KIZ: variants seen among roughly 807,000 people sequenced by gnomAD.
The protein encoded by KIZ is centrosomal protein kizuna.
In KIZ, 68 loss-of-function variants were observed where a neutral mutation model predicts 79.6. The ratio of observed to expected loss-of-function variants is 0.85; its 90% CI spans 0.70 to 1.05. The LOEUF (loss-of-function observed/expected upper bound fraction) is 1.05. Among genes scored for constraint, KIZ ranks in the 50% least tolerant of loss-of-function variants. The probability of loss-of-function intolerance (pLI) is 0.00; values close to 1 mark genes in which losing one functional copy is unlikely to be tolerated. For missense variants in KIZ, 797 were observed against 800.4 expected, an observed-to-expected ratio of 1.00 and a Z score of 0.05; for synonymous variants, 280 against 281.8, an observed-to-expected ratio of 0.99 and a Z score of 0.06.
intron 12 of KIZ, 72 bp from the exon 13 acceptor site, chr20:21,246,407 G>A (rs544783825): frequency 1.7e-4 from 147 of 889,006 alleles, no homozygotes; most frequent in East Asian, 2.5e-4. Flanking sequence ...CAGTCCTTCC[G>A]TGCTGTGCTG....
intron 6 of KIZ, among the ~76,000 whole-genome samples, chr20:21,192,666 A>T (rs1442445073): frequency 2.6e-5 from 4 of 152,190 alleles, no homozygotes; most frequent in Non-Finnish European, 4.4e-5. Context: ...ATTTGTTTTG[A>T]TATGCACAGC....
At chr20:21,233,246 T>C (rs567292830) in intron 11 of KIZ, among the ~76,000 whole-genome samples, 1 of 152,376 alleles carries the variant, frequency 6.6e-6, no homozygotes, top group African/African-American at 2.4e-5. Flanking sequence ...TATTCATTTT[T>C]ATTTTCCTCT....
In KIZ at chr20:21,233,744, A is replaced by G. The variant is rs554665162; in HGVS notation, c.1880+914A>G. On this transcript the variant is annotated intron_variant, in intron 11 of 12. Coordinates refer to ENST00000619189, the MANE Select transcript of KIZ (RefSeq NM_018474.6). ...GAATTTTTTAAATGAAAAAAATCCT[A>G]TTTTTATTCATATTTTATAAACAAT... 2.6e-5 allele frequency among the ~76,000 whole-genome samples: 4 copies of G among 152,308 alleles called. No homozygotes were observed. In the South Asian group the frequency reaches 8.3e-4, roughly 32 times the overall value.
At chr20:21,241,308 C>T (rs1600632197) in intron 11 of KIZ, among the ~76,000 whole-genome samples, 1 of 152,122 alleles carries the variant, frequency 6.6e-6, no homozygotes, top group Admixed American at 6.5e-5. Context: ...ATTGCAGGGT[C>T]ACATTTACTT....
chr20:21,174,687 C>A (rs2034361282), intron 6 of KIZ, among the ~76,000 whole-genome samples: 1 of 152,150 alleles, frequency 6.6e-6, no homozygotes, highest in Non-Finnish European at 1.5e-5. Flanking sequence ...TGGAGTGTGA[C>A]TGAAAACAGA....
At chr20:21,243,507 A>T (rs536879390) in intron 11 of KIZ, among the ~76,000 whole-genome samples, 1 of 152,104 alleles carries the variant, frequency 6.6e-6, no homozygotes, top group Non-Finnish European at 1.5e-5. Flanking sequence ...TTCTCTCCCA[A>T]CATCTCCTGT....
At position 21,229,072 on chromosome 20, in the gene KIZ, A is replaced by C. The variant is rs1213717457; in HGVS notation, c.1740A>C (p.Glu580Asp). The C allele has an allele frequency of 6.2e-7, 1 of 1,612,492 alleles. No individual in the cohort carries two copies. The highest frequency in any genetic ancestry group is 2.2e-5 in the East Asian group (1 of 44,890). ...TTCAGGATAATACAAATCAAACTGA[A>C]AACAGGTTTCAAAAGACAGATGCTT... ...ATLQDNTNQT[E>D]NRFQKTDASV... The change falls in exon 10 of 13, where the codon GAA (glutamate) becomes GAC (aspartate). Residue 580 changes from glutamate to aspartate, a missense_variant. Transcript: ENST00000619189.
Position 21,213,321 on chromosome 20 carries a change from G to C in KIZ, c.1447-1214G>C, listed in dbSNP as rs564709939. Among the ~76,000 whole-genome samples the C allele has an allele frequency of 2.8e-4, 42 of 152,318 alleles. No homozygotes were observed. In the South Asian group the frequency reaches 8.1e-3, roughly 29 times the overall value. ...CTTCCATGCTCTGACTCTCCCTGTCGGAGTGTCTTCACCTTGTTTCATGTT... is the reference window on the plus strand; with the variant it reads ...CTTCCATGCTCTGACTCTCCCTGTCCGAGTGTCTTCACCTTGTTTCATGTT... On this transcript the variant is annotated intron_variant, in intron 7 of 12. Coordinates refer to ENST00000619189, the MANE Select transcript of KIZ (RefSeq NM_018474.6).
Position 21,232,748 on chromosome 20 carries a change from A to G in KIZ, c.1798A>G (p.Ser600Gly), listed in dbSNP as rs766707285. ...VSHLSGLNIG[S>G]GAFETKTANK... Reference sequence around the variant, plus strand: ...GCTTATCACAGGTTTGAATATTGGCAGCGGTGCATTCGAGACAAAGACAGC... The same window carrying G: ...GCTTATCACAGGTTTGAATATTGGCGGCGGTGCATTCGAGACAAAGACAGC... The change falls in exon 11 of 13, where the codon AGC becomes GGC. Residue 600 changes from serine to glycine, a missense_variant. Transcript: ENST00000619189. 2 of 1,577,666 alleles carry G rather than the reference A, an allele frequency of 1.3e-6. No homozygotes were observed. Among genetic ancestry groups the G allele is most frequent in the East Asian group, 2.3e-5 (1 of 44,440 alleles).
chr20:21,142,308 T>A lies in KIZ; in HGVS notation c.316-3257T>A, dbSNP rs994659099. ...ATTATAATTGTTTACATGTCTGTTT[T>A]CCCACTTCACTGTGAGCTCCTTGTC... On this transcript the variant is annotated intron_variant, in intron 3 of 12. Coordinates refer to ENST00000619189, the MANE Select transcript of KIZ (RefSeq NM_018474.6). Among the ~76,000 whole-genome samples the A allele has an allele frequency of 6.2e-4, 94 of 152,106 alleles. 1 individual carries two copies. Among genetic ancestry groups the A allele is most frequent in the Admixed American group, 6.0e-3 (92 of 15,274 alleles).
At chr20:21,134,488 A>G (rs1272408266) in intron 2 of KIZ, among the ~76,000 whole-genome samples, 1 of 152,094 alleles carries the variant, frequency 6.6e-6, no homozygotes, top group African/African-American at 2.4e-5. Flanking sequence ...AAACCCTTAA[A>G]GCAGTGTCTG....
chr20:21,191,996 C>T (rs1037755773), intron 6 of KIZ, among the ~76,000 whole-genome samples: 2 of 152,104 alleles, frequency 1.3e-5, no homozygotes, highest in South Asian at 2.1e-4. Context: ...ACTGTCCAAC[C>T]CCAGCTTCTG....
At chr20:21,128,477 C>T (rs2031626416) in intron 1 of KIZ, among the ~76,000 whole-genome samples, 1 of 152,192 alleles carries the variant, frequency 6.6e-6, no homozygotes, top group Non-Finnish European at 1.5e-5. Flanking sequence ...AAAAAACTCC[C>T]TCTTTCTCAG....
At chr20:21,203,850 C>T (rs2035692974) in intron 6 of KIZ, among the ~76,000 whole-genome samples, 1 of 152,050 alleles carries the variant, frequency 6.6e-6, no homozygotes, top group Non-Finnish European at 1.5e-5. Flanking sequence ...CTGTGCAGTT[C>T]AGTAGTGTTA....
At chr20:21,200,468 T>C (rs930921556) in intron 6 of KIZ, among the ~76,000 whole-genome samples, 1 of 151,818 alleles carries the variant, frequency 6.6e-6, no homozygotes, top group Admixed American at 6.6e-5. Context: ...AATGGAAAAT[T>C]AGTGGGAGCC....
chr20:21,224,863 T>C (rs999068687), intron 9 of KIZ, among the ~76,000 whole-genome samples: 2 of 152,198 alleles, frequency 1.3e-5, no homozygotes, highest in Non-Finnish European at 2.9e-5. Flanking sequence ...AGAAAAAAGA[T>C]AAGAAGTTGA....
intron 9 of KIZ, among the ~76,000 whole-genome samples, chr20:21,221,116 A>T (rs946721992): frequency 6.6e-6 from 1 of 152,314 alleles, no homozygotes; most frequent in African/African-American, 2.4e-5. Context: ...GAGGAAAGTG[A>T]TGCTTATCTA....
chr20:21,200,012 G>C (rs2035523948), intron 6 of KIZ, among the ~76,000 whole-genome samples: 1 of 152,056 alleles, frequency 6.6e-6, no homozygotes, highest in South Asian at 2.1e-4. Flanking sequence ...CAGAAGATGG[G>C]GTTTTACCGT....
At chr20:21,202,927 T>C (rs1336397545) in intron 6 of KIZ, among the ~76,000 whole-genome samples, 1 of 152,174 alleles carries the variant, frequency 6.6e-6, no homozygotes, top group Non-Finnish European at 1.5e-5. Context: ...TCTTGTTTTA[T>C]CTCTCTCCCT....
Sources: allele counts gnomAD v4.1 joint callset (sites outside exome capture counted in the v4.1 genomes callset), GRCh38; gene constraint gnomAD v4.1.1; transcripts MANE v1.5; gene names NCBI Gene and HGNC (gene_info 2026-07-23, HGNC 2026-07-21).